The following NEBL variants were observed in gnomAD, a reference collection of about 807,000 sequenced individuals.
NEBL encodes the protein LIM and SH3 protein 2.
A neutral mutation model predicts 140.2 loss-of-function variants in NEBL; 122 were observed. The ratio of observed to expected loss-of-function variants is 0.87; its 90% CI spans 0.75 to 1.01. NEBL has a LOEUF of 1.01. Among genes scored for constraint, NEBL ranks in the 50% least tolerant of loss-of-function variants. NEBL has a pLI of 0.00. For synonymous variants in NEBL, 436 were observed against 398.9 expected, an observed-to-expected ratio of 1.09 and a Z score of -1.11; for missense variants, 1,365 against 1,231.3, an observed-to-expected ratio of 1.11 and a Z score of -1.62.
chr10:21,256,456 G>A (rs1479698596), intron 1 of NEBL, among the ~76,000 whole-genome samples: 3 of 152,038 alleles, frequency 2.0e-5, no homozygotes, highest in African/African-American at 7.2e-5. Flanking sequence ...AATTTCCTGG[G>A]ATATTACAAA....
intron 7 of NEBL, among the ~76,000 whole-genome samples, chr10:20,867,481 T>G (rs1237365304): frequency 1.3e-5 from 2 of 152,176 alleles, no homozygotes; most frequent in Non-Finnish European, 2.9e-5. Flanking sequence ...TTAACATTAT[T>G]GTTGACTCTG....
intron 23 of NEBL, among the ~76,000 whole-genome samples, chr10:20,813,409 C>T (rs530717940): frequency 1.3e-5 from 2 of 151,984 alleles, no homozygotes; most frequent in East Asian, 1.9e-4. Context: ...AATATAATTA[C>T]AAAAACTTAT....
chr10:21,121,044 A>T (rs1327968203), intron 2 of NEBL, among the ~76,000 whole-genome samples: 1 of 152,174 alleles, frequency 6.6e-6, no homozygotes, highest in Non-Finnish European at 1.5e-5. Context: ...ATCTGAAAAC[A>T]TCACACTGGG....
At chr10:20,855,028 T>A (rs1842921158) in intron 9 of NEBL, among the ~76,000 whole-genome samples, 1 of 151,968 alleles carries the variant, frequency 6.6e-6, no homozygotes, top group African/African-American at 2.4e-5. Flanking sequence ...ATCTAGACCA[T>A]CCCTGGCCAA....
At chr10:20,881,991 G>A (rs527331767) in intron 4 of NEBL, among the ~76,000 whole-genome samples, 7 of 152,210 alleles carry the variant, frequency 4.6e-5, no homozygotes, top group South Asian at 2.1e-4. Flanking sequence ...ACTTGCTCAC[G>A]ACAAAGTGAG....
chr10:20,851,646 G>T (rs895916000), intron 10 of NEBL, among the ~76,000 whole-genome samples: 4 of 151,422 alleles, frequency 2.6e-5, no homozygotes, highest in Admixed American at 6.6e-5. Context: ...TTAGCCAGGC[G>T]TGGTGGCATG....
At chr10:21,002,889 A>G (rs142384588) in intron 3 of NEBL, among the ~76,000 whole-genome samples, 8 of 152,206 alleles carry the variant, frequency 5.3e-5, no homozygotes, top group East Asian at 1.9e-4. Context: ...CATATCATCA[A>G]TTAGTGAGGT....
exon 3 of NEBL, chr10:21,247,925 A>G: frequency 4.3e-6 from 1 of 232,468 alleles, no homozygotes. Flanking sequence ...ATTCACCTTC[A>G]AGACAGCAAT....
At chr10:20,927,749 A>C (rs562937790) in intron 4 of NEBL, among the ~76,000 whole-genome samples, 3 of 152,186 alleles carry the variant, frequency 2.0e-5, no homozygotes, top group Non-Finnish European at 4.4e-5. Flanking sequence ...GCCAGGGTTC[A>C]AATCCCAGTT....
intron 4 of NEBL, among the ~76,000 whole-genome samples, chr10:20,957,900 T>C (rs146353027): frequency 1.3e-5 from 2 of 152,352 alleles, no homozygotes; most frequent in African/African-American, 4.8e-5. Flanking sequence ...CTTCACCATT[T>C]TATTTCACAA....
intron 3 of NEBL, among the ~76,000 whole-genome samples, chr10:21,239,353 A>C (rs920135600): frequency 6.6e-6 from 1 of 152,144 alleles, no homozygotes; most frequent in Non-Finnish European, 1.5e-5. Context: ...TAGTCGTTTG[A>C]AGAGATCCAA....
intron 13 of NEBL, among the ~76,000 whole-genome samples, chr10:20,838,555 T>C (rs934727246): frequency 6.6e-6 from 1 of 152,166 alleles, no homozygotes; most frequent in African/African-American, 2.4e-5. Flanking sequence ...CTACAAAAAC[T>C]TTGTCATTAA....
chr10:21,117,544 C>T (rs1415894756), intron 2 of NEBL, among the ~76,000 whole-genome samples: 7 of 152,158 alleles, frequency 4.6e-5, no homozygotes, highest in Admixed American at 4.6e-4. Context: ...GAACTCTCTC[C>T]AGGCAGCAAG....
At chr10:20,847,061 C>A (rs1172404147) in intron 11 of NEBL, among the ~76,000 whole-genome samples, 1 of 152,094 alleles carries the variant, frequency 6.6e-6, no homozygotes, top group Admixed American at 6.6e-5. Flanking sequence ...TTAAGTTTAC[C>A]TGTAAGAGGT....
chr10:20,928,448 TA>T (rs1490166369), intron 4 of NEBL, among the ~76,000 whole-genome samples: 1 of 151,960 alleles, frequency 6.6e-6, no homozygotes, highest in African/African-American at 2.4e-5. Context: ...ATATACAGCA[TA>T]AACAACTGAA....
chr10:20,815,764 CA>C, intron 21 of NEBL, 47 bp from the exon 22 acceptor site: 1 of 1,296,010 alleles, frequency 7.7e-7, no homozygotes. Context: ...ATCAATTCAA[CA>C]AAGAGACTTA....
intron 22 of NEBL, 110 bp downstream of exon 22, chr10:20,815,515 C>G: frequency 3.3e-6 from 3 of 896,858 alleles, no homozygotes; most frequent in Non-Finnish European, 5.5e-6. Flanking sequence ...TTGGACACAT[C>G]ACAAATGTTT....
At chr10:20,805,971 A>G (rs1284970308) in intron 26 of NEBL, among the ~76,000 whole-genome samples, 2 of 152,224 alleles carry the variant, frequency 1.3e-5, no homozygotes, top group Non-Finnish European at 2.9e-5. Flanking sequence ...TTTAAAAAAA[A>G]ATATGATTAT....
chr10:20,903,606 G>C (rs1014227495), intron 4 of NEBL, among the ~76,000 whole-genome samples: 1 of 152,142 alleles, frequency 6.6e-6, no homozygotes, highest in East Asian at 1.9e-4. Context: ...GCAAGGATAC[G>C]GAACCAGACT....
Sources: allele counts gnomAD v4.1 joint callset (sites outside exome capture counted in the v4.1 genomes callset), GRCh38; gene constraint gnomAD v4.1.1; transcripts MANE v1.5; gene names NCBI Gene and HGNC (gene_info 2026-07-23, HGNC 2026-07-21).